The following TMEM68 variants were observed in gnomAD, a reference collection of about 807,000 sequenced individuals.
TMEM68 encodes the protein DGAT1/2-independent enzyme synthesizing storage lipids.
In TMEM68, 25 loss-of-function variants were observed where a neutral mutation model predicts 36.9. The observed-to-expected ratio is 0.68, with a 90% CI of 0.49 to 0.95. The LOEUF (loss-of-function observed/expected upper bound fraction) is 0.95, where lower values mean the gene tolerates loss of function less well. Among genes scored for constraint, TMEM68 ranks in the 40% least tolerant of loss-of-function variants. The probability of loss-of-function intolerance (pLI) is 0.00; values close to 1 mark genes in which losing one functional copy is unlikely to be tolerated. For synonymous variants in TMEM68, 131 were observed against 124.4 expected (o/e 1.05, Z -0.35); for missense variants, 333 against 392.0 (o/e 0.85, Z 1.27).
chr8:55,742,351 T>C (rs1433216581), intron 7 of TMEM68, among the ~76,000 whole-genome samples: 1 of 152,190 alleles, frequency 6.6e-6, no homozygotes, highest in South Asian at 2.1e-4. Flanking sequence ...TACTGAACTG[T>C]ATGCTTAAAA....
chr8:55,751,256 T>C, intron 4 of TMEM68, 99 bp from the exon 5 acceptor site: 1 of 1,064,596 alleles, frequency 9.4e-7, no homozygotes, highest in Non-Finnish European at 1.3e-6. Flanking sequence ...TATTTATACT[T>C]AAATCAGTAA....
At chr8:55,742,280 G>A (rs7013663) in intron 7 of TMEM68, among the ~76,000 whole-genome samples, 71,015 of 151,858 alleles carry the variant, frequency 0.47, 16,926 homozygotes, top group East Asian at 0.6. Flanking sequence ...GGTATAGTCC[G>A]TTTTGCAAGA....
rs745928079 is a variant in TMEM68 at position 55,762,910 on chromosome 8, T to C, written c.50A>G (p.Tyr17Cys). ...TCGVGQDSVP[Y>C]MICLIHILEE... ...GAGTATGTGAATCAGACAAATCATATAGGGCACAGAATCCTGTCCTACACC... is the reference window on the plus strand; with the variant it reads ...GAGTATGTGAATCAGACAAATCATACAGGGCACAGAATCCTGTCCTACACC... Residue 17 changes from tyrosine to cysteine, a missense_variant, in exon 3 of 8, where the codon TAT (tyrosine) becomes TGT (cysteine). Physicochemically the swap from Tyr to Cys is radical, Grantham distance 194. Transcript: ENST00000434581. 1.5e-5 allele frequency: 25 copies of C among 1,613,854 alleles called. No homozygotes were observed. The highest frequency in any genetic ancestry group is 3.3e-5 in the Admixed American group (2 of 59,972).
intron 4 of TMEM68, among the ~76,000 whole-genome samples, chr8:55,753,344 A>G (rs538622877): frequency 6.6e-6 from 1 of 152,078 alleles, no homozygotes; most frequent in South Asian, 2.1e-4. Context: ...TTAAAAAAAA[A>G]CCCCACAAAA....
chr8:55,751,587 T>C (rs1018520829), intron 4 of TMEM68: 1 of 397,324 alleles, frequency 2.5e-6, no homozygotes, highest in South Asian at 1.9e-5. Context: ...TGAATCAAAC[T>C]ACGCTTAGCT....
intron 5 of TMEM68, chr8:55,747,277 AC>A (rs1177894479): frequency 1.3e-5 from 2 of 152,104 alleles, no homozygotes; most frequent in African/African-American, 4.8e-5. Flanking sequence ...CAGGAGAATC[AC>A]CTGAACCCGG....
At position 55,745,171 on chromosome 8, in the gene TMEM68, A is replaced by C. The variant is rs749379118; in HGVS notation, c.688-50T>G. ...AAAAAGTAAATAAATTAATCCATTC[A>C]ATGTCTCCATTAGAGTAACTAATGC... is the stretch of plus-strand genomic sequence containing the variant. On this transcript the variant is annotated intron_variant, in intron 5 of 7. Transcript: ENST00000434581. The C allele has an allele frequency of 1.2e-4, 162 of 1,296,462 alleles. 1 individual carries two copies. The highest frequency in any genetic ancestry group is 1.6e-4 in the Non-Finnish European group (156 of 965,816). 80.3% of individuals were successfully genotyped at this position (1,296,462 alleles called of 1,614,324 possible).
Position 55,754,716 on chromosome 8 carries a change from ATT to A in TMEM68, c.493+1526_493+1527del, listed in dbSNP as rs1194913311. Among the ~76,000 whole-genome samples, 77 of 129,098 alleles carry A rather than the reference ATT, an allele frequency of 6.0e-4. 1 individual carries two copies. Among genetic ancestry groups the A allele is most frequent in the Non-Finnish European group, 8.8e-4 (57 of 64,542 alleles). The allele number at this position is 129,098 out of a possible 152,430, so 84.7% of individuals were successfully genotyped here. On this transcript the variant is annotated intron_variant, in intron 4 of 7. Coordinates refer to ENST00000434581, the MANE Select transcript of TMEM68 (RefSeq NM_001286657.2). The stretch of plus-strand genomic sequence containing the variant: ...ATATGAAATACATACTTATATATAT[ATT>A]ATATATAAAATACATACTTATATAT...
rs1386237782 is a variant in TMEM68, at chr8:55,767,077, GACTATC to G, written c.-114-3103_-114-3098del. Among the ~76,000 whole-genome samples, 2 of 94,294 alleles carry G rather than the reference GACTATC, an allele frequency of 2.1e-5. 1 individual carries two copies. The highest frequency in any genetic ancestry group is 6.3e-4 in the East Asian group (2 of 3,158). The allele number at this position is 94,294 out of a possible 152,430, so 61.9% of individuals were successfully genotyped here. ...AATAAAAATAGCATCTACCTAATAA[GACTATC>G]GTGAAGATTACGTGTAAAAAAACCT... is the stretch of plus-strand genomic sequence containing the variant. On this transcript the variant is annotated intron_variant, in intron 1 of 7. Coordinates refer to ENST00000434581, the MANE Select transcript of TMEM68 (RefSeq NM_001286657.2).
intron 5 of TMEM68, chr8:55,748,260 G>A (rs1311020089): frequency 6.6e-6 from 1 of 152,060 alleles, no homozygotes; most frequent in Non-Finnish European, 1.5e-5. Context: ...CCGCCTCCTG[G>A]GTTTTTAAGC....
chr8:55,760,297 T>C (rs780128247), intron 3 of TMEM68, among the ~76,000 whole-genome samples: 17 of 152,186 alleles, frequency 1.1e-4, no homozygotes, highest in Non-Finnish European at 2.1e-4. Context: ...AGCCATAAGA[T>C]CCACATTCCC....
chr8:55,754,822 TA>T (rs1360107324), intron 4 of TMEM68, among the ~76,000 whole-genome samples: 2 of 133,160 alleles, frequency 1.5e-5, no homozygotes, highest in Non-Finnish European at 3.1e-5. Context: ...ATATTATATA[TA>T]AAATACATAT....
intron 5 of TMEM68, among the ~76,000 whole-genome samples, chr8:55,748,333 AAC>A (rs1810340877): frequency 6.6e-6 from 1 of 151,900 alleles, no homozygotes; most frequent in African/African-American, 2.4e-5. Flanking sequence ...ACACCCGACT[AAC>A]TTTTTTGTGT....
At position 55,740,079 on chromosome 8, in the gene TMEM68, T is replaced by C. The variant is rs1043075938; in HGVS notation, c.*53A>G. 3 of 1,449,394 alleles carry C rather than the reference T, an allele frequency of 2.1e-6. No individual in the cohort carries two copies. The highest frequency in any genetic ancestry group is 2.8e-5 in the African/African-American group (2 of 70,818). The allele number at this position is 1,449,394 out of a possible 1,614,324, so 89.8% of individuals were successfully genotyped here. ...AAAATTCAGAAGACAGTACCTTAGA[T>C]ACAAACATTTAATATAAATGTACTA... On this transcript the variant is annotated 3_prime_UTR_variant, in exon 8 of 8. Coordinates refer to ENST00000434581, the MANE Select transcript of TMEM68 (RefSeq NM_001286657.2).
chr8:55,750,796 C>G (rs1810408925), intron 5 of TMEM68, 168 bp downstream of exon 5: 1 of 611,328 alleles, frequency 1.6e-6, no homozygotes, highest in South Asian at 2.3e-5. Flanking sequence ...CCTCGGCCTC[C>G]CAAAGTGCTG....
At chr8:55,769,284 T>C (rs146376084) in intron 1 of TMEM68, among the ~76,000 whole-genome samples, 2,121 of 118,702 alleles carry the variant, frequency 0.018, 29 homozygotes, top group Middle Eastern at 0.09. Context: ...ATTCTGACAG[T>C]GCACTCCAGC....
chr8:55,772,044 T>C (rs1262414954), intron 1 of TMEM68, among the ~76,000 whole-genome samples: 1 of 152,180 alleles, frequency 6.6e-6, no homozygotes, highest in African/African-American at 2.4e-5. Context: ...CTACCCTTAT[T>C]ATCGTAACCC....
chr8:55,753,391 T>C (rs1193340939), intron 4 of TMEM68, among the ~76,000 whole-genome samples: 5 of 152,058 alleles, frequency 3.3e-5, no homozygotes, highest in Non-Finnish European at 7.4e-5. Context: ...AAAAATGAAG[T>C]AAAATAAATC....
intron 5 of TMEM68, chr8:55,746,316 C>CCAAAAAA (rs1810273421): frequency 1.9e-4 from 1 of 5,248 alleles, no homozygotes. Flanking sequence ...ACACTGTCTC[C>CCAAAAAA]CAAAAAAAAA....
Sources: gnomAD v4.1 joint callset for allele counts (sites outside exome capture counted in the v4.1 genomes callset) on GRCh38, gnomAD v4.1.1 for gene constraint, MANE v1.5 for transcripts, NCBI Gene and HGNC (gene_info 2026-07-23, HGNC 2026-07-21) for gene names.